The following CNTN4 variants were observed in gnomAD, a reference collection of about 807,000 sequenced individuals.
CNTN4 encodes contactin-4.
A neutral mutation model predicts 122.5 loss-of-function variants in CNTN4; 77 were observed. The observed-to-expected ratio is 0.63, with a 90% CI of 0.52 to 0.76. The LOEUF is 0.76. Ranked by LOEUF, CNTN4 falls within the 30% of genes least tolerant of loss-of-function variation. The pLI, the probability that CNTN4 is intolerant of heterozygous loss-of-function variation, is 0.00. For missense variants in CNTN4, 1,256 were observed against 1,259.1 expected (o/e 1.00, Z 0.04); for synonymous variants, 512 against 447.0 (o/e 1.15, Z -1.83).
chr3:2,295,723 T>G lies in CNTN4; in HGVS notation c.-144-43455T>G, dbSNP rs539740120. Among the ~76,000 whole-genome samples the G allele has an allele frequency of 5.9e-5, 9 of 152,256 alleles. No individual in the cohort carries two copies. In the East Asian group the frequency reaches 1.5e-3, roughly 26 times the overall value. On this transcript the variant is annotated intron_variant, in intron 2 of 24. Transcript: ENST00000418658. ...AGTTTTGTCTTTTGTTGCCATTGCTTTTGGTGTTTTAGACATGAAGTCCTT... is the reference window on the plus strand; with the variant it reads ...AGTTTTGTCTTTTGTTGCCATTGCTGTTGGTGTTTTAGACATGAAGTCCTT...
At chr3:2,853,967 T>C (rs2093588947) in intron 7 of CNTN4, among the ~76,000 whole-genome samples, 1 of 152,174 alleles carries the variant, frequency 6.6e-6, no homozygotes, top group Non-Finnish European at 1.5e-5. Context: ...GAAAAGTGCC[T>C]TTCTGGCAAA....
In CNTN4 at chr3:2,112,957, C is replaced by A. The variant is rs559001188; in HGVS notation, c.-145+12318C>A. 9.2e-5 allele frequency among the ~76,000 whole-genome samples: 14 copies of A among 152,232 alleles called. No homozygotes were observed. In the East Asian group the frequency reaches 2.5e-3, roughly 27 times the overall value. On this transcript the variant is annotated intron_variant, in intron 2 of 24. Transcript: ENST00000418658. The stretch of plus-strand genomic sequence containing the variant: ...CCTGTTAGGTAATTTCCAAGATGCA[C>A]CCTCTACTATAGTTTCTAAGTAATT...
rs114428719 is a variant in CNTN4 at position 3,004,645 on chromosome 3, A to G, written c.1486+16173A>G. ...AAATTTATATAATAGTACCTATTTC[A>G]TAGGATAGTTGGGAAGACTAAATTA... is the stretch of plus-strand genomic sequence containing the variant. On this transcript the variant is annotated intron_variant, in intron 14 of 24. Transcript: ENST00000418658. 4.0e-3 allele frequency among the ~76,000 whole-genome samples: 615 copies of G among 152,336 alleles called. 4 individuals are homozygous for G. The highest frequency in any genetic ancestry group is 0.014 in the African/African-American group (597 of 41,576).
chr3:2,723,236 G>A (rs1289794189), intron 4 of CNTN4, among the ~76,000 whole-genome samples: 1 of 152,110 alleles, frequency 6.6e-6, no homozygotes, highest in Non-Finnish European at 1.5e-5. Context: ...CTGCGTATCT[G>A]TGTGACTTTG....
chr3:2,382,501 C>T (rs1379755974), intron 3 of CNTN4, among the ~76,000 whole-genome samples: 1 of 152,098 alleles, frequency 6.6e-6, no homozygotes, highest in Non-Finnish European at 1.5e-5. Context: ...CACCAGGAGG[C>T]ATTTTTTAGC....
At chr3:2,579,298 T>C (rs1576076989) in intron 4 of CNTN4, among the ~76,000 whole-genome samples, 1 of 152,184 alleles carries the variant, frequency 6.6e-6, no homozygotes, top group Non-Finnish European at 1.5e-5. Context: ...CAATTATGTG[T>C]ACCTAACGTC....
chr3:2,917,596 C>T (rs1419296260), intron 12 of CNTN4, among the ~76,000 whole-genome samples: 1 of 152,180 alleles, frequency 6.6e-6, no homozygotes, highest in Non-Finnish European at 1.5e-5. Context: ...GATCTCTTCT[C>T]TGTCTTGTAG....
intron 2 of CNTN4, among the ~76,000 whole-genome samples, chr3:2,282,757 A>C (rs1306176311): frequency 2.0e-5 from 3 of 152,194 alleles, no homozygotes; most frequent in African/African-American, 7.2e-5. Flanking sequence ...ATGTTCATCA[A>C]CTGATAATTC....
In CNTN4 at chr3:2,745,502, C is replaced by T. The variant is rs745466951; in HGVS notation, c.183-20C>T. On this transcript the variant is annotated intron_variant, in intron 5 of 24. Transcript: ENST00000418658. Reference sequence around the variant, plus strand: ...GATTAATATGACAAGACTTTATCTACTGGCATTTTTATACTATAGGTGGAA... The same window carrying T: ...GATTAATATGACAAGACTTTATCTATTGGCATTTTTATACTATAGGTGGAA... 3.0e-5 allele frequency: 48 copies of T among 1,594,032 alleles called. No homozygotes were observed. In the South Asian group the frequency reaches 4.7e-4, roughly 16 times the overall value.
chr3:2,348,237 TA>T (rs139684108), intron 3 of CNTN4, among the ~76,000 whole-genome samples: 19,338 of 152,236 alleles, frequency 0.13, 1,530 homozygotes, highest in Non-Finnish European at 0.18. Context: ...ATCATATACT[TA>T]ACGCTTGGCC....
In CNTN4 at chr3:2,845,413, T is replaced by C. The variant is rs566265380; in HGVS notation, c.455-21339T>C. ...AATATTGACAAATAATAAATTTAAT[T>C]GCCTAAAAATAAATTACTTTATTAG... On this transcript the variant is annotated intron_variant, in intron 7 of 24. Coordinates refer to ENST00000418658, the MANE Select transcript of CNTN4 (RefSeq NM_175607.3). Among the ~76,000 whole-genome samples the C allele has an allele frequency of 2.0e-5, 3 of 152,058 alleles. No homozygotes were observed. In the East Asian group the frequency reaches 5.8e-4, roughly 29 times the overall value.
At chr3:2,175,868 C>G (rs1188125138) in intron 2 of CNTN4, among the ~76,000 whole-genome samples, 1 of 152,160 alleles carries the variant, frequency 6.6e-6, no homozygotes, top group Non-Finnish European at 1.5e-5. Context: ...AGGCAAGCAG[C>G]TAGCACAGCA....
At chr3:2,232,208 A>G (rs2039513825) in intron 2 of CNTN4, among the ~76,000 whole-genome samples, 1 of 152,148 alleles carries the variant, frequency 6.6e-6, no homozygotes. Context: ...TTTTACAGTC[A>G]ATGCCTCATT....
chr3:2,928,280 T>G (rs2094491364), intron 13 of CNTN4, among the ~76,000 whole-genome samples: 1 of 152,196 alleles, frequency 6.6e-6, no homozygotes, highest in Admixed American at 6.5e-5. Context: ...GAACATGAAG[T>G]GGAACATTTC....
At chr3:2,446,172 T>C (rs1008832048) in intron 3 of CNTN4, among the ~76,000 whole-genome samples, 1 of 152,160 alleles carries the variant, frequency 6.6e-6, no homozygotes, top group African/African-American at 2.4e-5. Flanking sequence ...GGAGAGACCC[T>C]AGGGAAGGGC....
intron 3 of CNTN4, among the ~76,000 whole-genome samples, chr3:2,408,409 GA>G (rs902663646): frequency 1.3e-5 from 2 of 152,094 alleles, no homozygotes; most frequent in African/African-American, 4.8e-5. Context: ...TGTACTTGAG[GA>G]AAAAAGTGGT....
In CNTN4 at chr3:2,400,931, T is replaced by C. The variant is rs189697709; in HGVS notation, c.-89+61698T>C. 1.5e-3 allele frequency among the ~76,000 whole-genome samples: 217 copies of C among 149,414 alleles called. 1 individual carries two copies. Among genetic ancestry groups the C allele is most frequent in the African/African-American group, 5.0e-3 (208 of 41,318 alleles). ...TTAACCCTCTTGGGGAACATCATAATAGTTTTCTTCTTAGACTTCTTATAG... is the reference window on the plus strand; with the variant it reads ...TTAACCCTCTTGGGGAACATCATAACAGTTTTCTTCTTAGACTTCTTATAG... On this transcript the variant is annotated intron_variant, in intron 3 of 24. Coordinates refer to ENST00000418658, the MANE Select transcript of CNTN4 (RefSeq NM_175607.3).
intron 4 of CNTN4, among the ~76,000 whole-genome samples, chr3:2,733,501 C>T (rs1211787776): frequency 1.3e-5 from 2 of 148,912 alleles, no homozygotes; most frequent in East Asian, 2.0e-4. Context: ...CAACTTTAAA[C>T]ACAAATTTTT....
intron 23 of CNTN4, among the ~76,000 whole-genome samples, chr3:3,051,168 C>T (rs192597893): frequency 1.3e-5 from 2 of 152,144 alleles, no homozygotes; most frequent in Admixed American, 1.3e-4. Context: ...GATTGGACAC[C>T]CCTGATTTAG....
Sources: allele counts gnomAD v4.1 joint callset (sites outside exome capture counted in the v4.1 genomes callset), GRCh38; gene constraint gnomAD v4.1.1; transcripts MANE v1.5; gene names NCBI Gene and HGNC (gene_info 2026-07-23, HGNC 2026-07-21).